MTOR: variants seen among roughly 807,000 people sequenced by gnomAD.
MTOR encodes the protein mechanistic target of rapamycin kinase, also known as serine/threonine-protein kinase mTOR.
In MTOR, 70 loss-of-function variants were observed where a neutral mutation model predicts 319.8. The observed-to-expected ratio is 0.22, with a 90% CI of 0.18 to 0.27. The LOEUF is 0.27. MTOR is among the 10% of genes least tolerant of loss of function. The pLI is 1.00. For missense variants in MTOR, 1,890 were observed against 3,274.4 expected (o/e 0.58, Z 10.32); for synonymous variants, 1,183 against 1,211.4 (o/e 0.98, Z 0.49).
intron 8 of MTOR, among the ~76,000 whole-genome samples, chr1:11,246,555 G>A (rs1379617155): frequency 6.6e-6 from 1 of 152,044 alleles, no homozygotes; most frequent in South Asian, 2.1e-4. Context: ...TACTTCTTTC[G>A]AACAGCGTGT....
At chr1:11,210,980 T>C (rs1467708961) in intron 23 of MTOR, 74 bp from the exon 24 acceptor site, 7 of 850,838 alleles carry the variant, frequency 8.2e-6, no homozygotes, top group African/African-American at 1.7e-5. Context: ...AAAAATATTA[T>C]ACAACTACAT....
At chr1:11,251,206 C>T (rs1026702451) in intron 6 of MTOR, among the ~76,000 whole-genome samples, 3 of 152,196 alleles carry the variant, frequency 2.0e-5, no homozygotes, top group African/African-American at 7.2e-5. Flanking sequence ...TCCCCACACA[C>T]TTCTCCTGCT....
Position 11,128,559 on chromosome 1 carries a change from T to C in MTOR, c.5812-7A>G. The C allele has an allele frequency of 6.2e-7, 1 of 1,613,030 alleles. No homozygotes were observed. On this transcript the variant is annotated splice_polypyrimidine_tract_variant and splice_region_variant and intron_variant, in intron 41 of 57. Transcript: ENST00000361445. This position sits in a 1 kb window ranked among gnomAD's most constrained non-coding sequence, Gnocchi z 5.3. ...CAATGAGCTGAGGTATAACCTGGTA[T>C]TCAAAAAGACACAGTATGTAGCATA... is the stretch of plus-strand genomic sequence containing the variant.
In MTOR at chr1:11,157,132, C is replaced by CA; in HGVS notation, c.4469+19dup. ...CGAAGTCTCTTGCAGCCACACATGC[C>CA]ATCATTCTAGGAAGCTCACCATTCC... On this transcript the variant is annotated intron_variant, in intron 30 of 57. Transcript: ENST00000361445. The CA allele has an allele frequency of 3.8e-6, 6 of 1,577,094 alleles. No homozygotes were observed. The highest frequency in any genetic ancestry group is 5.2e-6 in the Non-Finnish European group (6 of 1,163,128).
chr1:11,231,236 AC>A (rs1647005265), intron 17 of MTOR, 63 bp downstream of exon 17: 1 of 1,605,928 alleles, frequency 6.2e-7, no homozygotes, highest in Non-Finnish European at 8.5e-7. Context: ...TAATGCTGCA[AC>A]CATCTCTCTC....
rs553839043 is a variant in MTOR, at chr1:11,162,180, A to G, written c.4330-4889T>C. ...GATTTGATCAACTGGAAGAAAGGGT[A>G]TCAGTGACTGAAGATCAAATGAATG... On this transcript the variant is annotated intron_variant, in intron 29 of 57. Transcript: ENST00000361445. Among the ~76,000 whole-genome samples the G allele has an allele frequency of 1.7e-4, 26 of 152,384 alleles. No individual in the cohort carries two copies. In the South Asian group the frequency reaches 3.9e-3, roughly 23 times the overall value.
chr1:11,189,584 T>C (rs1251128726), intron 28 of MTOR: 2 of 1,596,882 alleles, frequency 1.3e-6, no homozygotes. Flanking sequence ...CAAAAGATGC[T>C]GAAAAAGCCT....
chr1:11,160,958 A>G (rs1644459037), intron 29 of MTOR, among the ~76,000 whole-genome samples: 1 of 152,150 alleles, frequency 6.6e-6, no homozygotes, highest in African/African-American at 2.4e-5. Context: ...GGTGCAGCCC[A>G]TGGAATGTAA....
chr1:11,253,592 C>T (rs1041899948), intron 6 of MTOR, among the ~76,000 whole-genome samples: 19 of 152,136 alleles, frequency 1.2e-4, no homozygotes, highest in Non-Finnish European at 2.1e-4. Context: ...TGTGGACCCC[C>T]GTCAAATAAC....
chr1:11,117,725 C>T (rs1340071357), intron 49 of MTOR, among the ~76,000 whole-genome samples: 1 of 152,060 alleles, frequency 6.6e-6, no homozygotes, highest in East Asian at 1.9e-4. Context: ...ACTTGAGAAA[C>T]AGGCCGAAAG....
chr1:11,249,507 G>T (rs1429371199), intron 6 of MTOR, among the ~76,000 whole-genome samples: 1 of 149,374 alleles, frequency 6.7e-6, no homozygotes, highest in Non-Finnish European at 1.5e-5. Context: ...TGGAGGGAAG[G>T]TCAGCAGATA....
intron 36 of MTOR, chr1:11,139,007 A>G (rs1420546988): frequency 3.0e-6 from 1 of 332,336 alleles, no homozygotes; most frequent in African/African-American, 2.2e-5. Context: ...CAAACAGTCC[A>G]TCTTCTCTTA....
chr1:11,166,554 A>G (rs1193179481), intron 29 of MTOR, among the ~76,000 whole-genome samples: 1 of 152,234 alleles, frequency 6.6e-6, no homozygotes, highest in Non-Finnish European at 1.5e-5. Context: ...ATACCATCTC[A>G]CACCAGTTAG....
At chr1:11,221,862 A>C (rs1569633926) in intron 19 of MTOR, among the ~76,000 whole-genome samples, 1 of 150,852 alleles carries the variant, frequency 6.6e-6, no homozygotes, top group East Asian at 1.9e-4. Context: ...TATTAACAAT[A>C]AGATGACTAA....
intron 28 of MTOR, among the ~76,000 whole-genome samples, chr1:11,175,875 C>A (rs1644972221): frequency 6.6e-6 from 1 of 152,090 alleles, no homozygotes; most frequent in African/African-American, 2.4e-5. Context: ...TCTCCAGTAG[C>A]TGGGATTACA....
At chr1:11,189,138 G>A (rs1045631378) in intron 28 of MTOR, among the ~76,000 whole-genome samples, 2 of 152,120 alleles carry the variant, frequency 1.3e-5, no homozygotes, top group Non-Finnish European at 2.9e-5. Context: ...CAAATTCACA[G>A]TCCTCTTGTC....
intron 36 of MTOR, among the ~76,000 whole-genome samples, chr1:11,138,632 A>G (rs1334166307): frequency 2.6e-5 from 4 of 152,102 alleles, no homozygotes; most frequent in Admixed American, 2.6e-4. Flanking sequence ...CAATGGGGAG[A>G]GAAGGCTAGT....
intron 5 of MTOR, 30 bp from the exon 6 acceptor site, chr1:11,254,003 G>A: frequency 6.2e-7 from 1 of 1,614,062 alleles, no homozygotes; most frequent in Non-Finnish European, 8.5e-7. Flanking sequence ...GCCTTCATTA[G>A]AGACAGAGTA....
intron 28 of MTOR, among the ~76,000 whole-genome samples, chr1:11,182,418 T>C (rs1480044156): frequency 6.6e-6 from 1 of 152,218 alleles, no homozygotes; most frequent in Non-Finnish European, 1.5e-5. Context: ...TACTACTTGA[T>C]ATTTGCTAGA....
Sources: gnomAD v4.1 joint callset for allele counts (sites outside exome capture counted in the v4.1 genomes callset) on GRCh38, gnomAD v4.1.1 for gene constraint, Gnocchi (gnomAD v3.1) non-coding constraint, MANE v1.5 for transcripts, NCBI Gene and HGNC (gene_info 2026-07-23, HGNC 2026-07-21) for gene names.